Variants in UPF2 observed in about 807,000 individuals in gnomAD.
The protein encoded by UPF2 is regulator of nonsense transcripts 2.
In UPF2, 17 loss-of-function variants were observed where a neutral mutation model predicts 141.4. That is an observed-to-expected ratio of 0.12 (90% CI 0.08 to 0.18). The LOEUF is 0.18. Ranked by LOEUF, UPF2 falls within the 10% of genes least tolerant of loss-of-function variation. The probability of loss-of-function intolerance (pLI) is 1.00; values close to 1 mark genes in which losing one functional copy is unlikely to be tolerated. For synonymous variants in UPF2, 540 were observed against 498.0 expected, an observed-to-expected ratio of 1.08 and a Z score of -1.12; for missense variants, 1,152 against 1,515.9, an observed-to-expected ratio of 0.76 and a Z score of 3.99.
At chr10:11,946,409 AC>A (rs1833000667) in intron 16 of UPF2, among the ~76,000 whole-genome samples, 1 of 152,236 alleles carries the variant, frequency 6.6e-6, no homozygotes, top group Non-Finnish European at 1.5e-5. Context: ...AATGTCATAA[AC>A]AATTAACATT....
chr10:12,007,698 G>A (rs1418457594), intron 4 of UPF2, among the ~76,000 whole-genome samples: 1 of 151,778 alleles, frequency 6.6e-6, no homozygotes, highest in Non-Finnish European at 1.5e-5. Context: ...GGCCGTGGTG[G>A]CAGGCACCTG....
intron 19 of UPF2, among the ~76,000 whole-genome samples, chr10:11,934,595 T>G (rs1472310421): frequency 6.6e-6 from 1 of 152,246 alleles, no homozygotes; most frequent in East Asian, 1.9e-4. Flanking sequence ...TTTATTTATT[T>G]ATTTCTTTTT....
chr10:12,010,484 T>C (rs1834108477), intron 4 of UPF2, among the ~76,000 whole-genome samples: 1 of 152,004 alleles, frequency 6.6e-6, no homozygotes, highest in South Asian at 2.1e-4. Flanking sequence ...TTAGACACCG[T>C]AGAAGAAAAG....
At position 12,017,573 on chromosome 10, in the gene UPF2, A is replaced by C. The variant is rs75298240; in HGVS notation, c.1146-3389T>G. Among the ~76,000 whole-genome samples, 712 of 152,268 alleles carry C rather than the reference A, an allele frequency of 4.7e-3. 3 individuals carry two copies. Among genetic ancestry groups the C allele is most frequent in the African/African-American group, 0.016 (679 of 41,550 alleles). The stretch of plus-strand genomic sequence containing the variant: ...CAACTAAAACTTTAAAGCTTCACTG[A>C]TACTCCTTACCCTCCCCTTAATTCC... On this transcript the variant is annotated intron_variant, in intron 3 of 21. Transcript: ENST00000357604.
intron 1 of UPF2, among the ~76,000 whole-genome samples, chr10:12,039,604 T>A (rs1360950789): frequency 6.6e-6 from 1 of 151,694 alleles, no homozygotes; most frequent in African/African-American, 2.4e-5. Flanking sequence ...GAACTTACAA[T>A]TATGTCTCTC....
Position 11,936,406 on chromosome 10 carries a change from C to A in UPF2, c.3546+139G>T. On this transcript the variant is annotated intron_variant, in intron 19 of 21. Coordinates refer to ENST00000357604, the MANE Select transcript of UPF2 (RefSeq NM_015542.4). This position sits in a 1 kb window ranked among gnomAD's most constrained non-coding sequence, Gnocchi z 6.6. ...AAAACAAAAACAAAAACAAAAAAAA[C>A]TATATAAGGGAAGAAATTATTCTAC... The A allele has an allele frequency of 2.2e-6, 2 of 897,982 alleles. No homozygotes were observed. The highest frequency in any genetic ancestry group is 3.1e-5 in the East Asian group (1 of 32,222). 55.6% of individuals were successfully genotyped at this position (897,982 alleles called of 1,614,324 possible). A position where few individuals can be genotyped will look rare whatever the true frequency, so the allele number is the denominator to read the frequency against.
chr10:11,948,308 C>T (rs1833030365), intron 16 of UPF2, 61 bp downstream of exon 16: 5 of 1,411,388 alleles, frequency 3.5e-6, no homozygotes, highest in Non-Finnish European at 9.4e-7. Flanking sequence ...AATTTTGGCT[C>T]ATATAATCAA....
chr10:12,037,489 G>A (rs1374826520), intron 1 of UPF2, among the ~76,000 whole-genome samples: 7 of 148,572 alleles, frequency 4.7e-5, no homozygotes, highest in African/African-American at 1.8e-4. Flanking sequence ...TCCACCTTCC[G>A]GGTTTAAGTG....
intron 8 of UPF2, among the ~76,000 whole-genome samples, chr10:11,994,426 A>C (rs1365354006): frequency 6.6e-6 from 1 of 152,208 alleles, no homozygotes; most frequent in Non-Finnish European, 1.5e-5. Context: ...TACGCAAAAG[A>C]ATCTTTGGGA....
rs1338119956 is a variant in UPF2 at position 11,942,549 on chromosome 10, C to T, written c.3378+116G>A. The T allele has an allele frequency of 7.0e-6, 6 of 857,274 alleles. No homozygotes were observed. In the African/African-American group the frequency reaches 1.0e-4, roughly 15 times the overall value. The allele number at this position is 857,274 out of a possible 1,614,324, so 53.1% of individuals were successfully genotyped here. On this transcript the variant is annotated intron_variant, in intron 18 of 21. Coordinates refer to ENST00000357604, the MANE Select transcript of UPF2 (RefSeq NM_015542.4). ...TGCAAGCTGTCTACACATGATCTAG[C>T]AAAAGCTGCTGCAGAAGAGACACTT...
chr10:11,966,576 C>G (rs566262641), intron 10 of UPF2, among the ~76,000 whole-genome samples: 2 of 152,252 alleles, frequency 1.3e-5, no homozygotes, highest in African/African-American at 4.8e-5. Context: ...AGGTGCATAC[C>G]ACCATGCCTG....
rs570968099 is a variant in UPF2 at position 12,040,832 on chromosome 10, T to C, written c.-19+1923A>G. On this transcript the variant is annotated intron_variant, in intron 1 of 21. Transcript: ENST00000357604. ...TAAAATTCTAGCATAGTAACTAGCA[T>C]GAGGGAGGCATTAATAAATGTTCTG... is the stretch of plus-strand genomic sequence containing the variant. 1.7e-4 allele frequency among the ~76,000 whole-genome samples: 26 copies of C among 152,284 alleles called. No individual in the cohort carries two copies. The South Asian group carries it at 5.2e-3, about 30-fold the overall frequency.
At chr10:12,006,004 T>C (rs1834029373) in intron 4 of UPF2, among the ~76,000 whole-genome samples, 1 of 152,002 alleles carries the variant, frequency 6.6e-6, no homozygotes, top group African/African-American at 2.4e-5. Flanking sequence ...CTCAACCTCC[T>C]GAGTAGCTGG....
intron 4 of UPF2, among the ~76,000 whole-genome samples, chr10:12,007,110 T>C (rs1218779770): frequency 6.6e-6 from 1 of 152,160 alleles, no homozygotes; most frequent in Non-Finnish European, 1.5e-5. Context: ...AAGACAACTA[T>C]GTAATATTAA....
At position 11,931,180 on chromosome 10, in the gene UPF2, A is replaced by G. The variant is rs1031348226; in HGVS notation, c.3688+461T>C. ...TCCAGACAATGACAGACACCTATAC[A>G]ATGGTGGTCCCATCAGTTCATAACA... On this transcript the variant is annotated intron_variant, in intron 20 of 21. Coordinates refer to ENST00000357604, the MANE Select transcript of UPF2 (RefSeq NM_015542.4). This position sits in a 1 kb window ranked among gnomAD's most constrained non-coding sequence, Gnocchi z 5.9. 6.6e-6 allele frequency among the ~76,000 whole-genome samples: 1 copy of G among 152,154 alleles called. No homozygotes were observed.
At chr10:11,938,390 ATTAC>A (rs2131163494) in intron 18 of UPF2, among the ~76,000 whole-genome samples, 1 of 152,298 alleles carries the variant, frequency 6.6e-6, no homozygotes, top group East Asian at 1.9e-4. Context: ...TATAAAGAGA[ATTAC>A]TTACTAGGGG....
At chr10:12,023,859 G>A (rs1834361918) in intron 3 of UPF2, among the ~76,000 whole-genome samples, 1 of 151,732 alleles carries the variant, frequency 6.6e-6, no homozygotes, top group South Asian at 2.1e-4. Context: ...AAGTGTGGTG[G>A]CACGTGCCTA....
At chr10:11,943,333 T>C (rs1307184397) in intron 16 of UPF2, among the ~76,000 whole-genome samples, 165 bp from the exon 17 acceptor site, 1 of 152,200 alleles carries the variant, frequency 6.6e-6, no homozygotes, top group African/African-American at 2.4e-5. Context: ...GCTAGCAACG[T>C]TTAAGACAAA....
intron 8 of UPF2, among the ~76,000 whole-genome samples, chr10:11,995,318 A>C (rs141023429): frequency 2.3e-3 from 354 of 152,346 alleles, no homozygotes; most frequent in Non-Finnish European, 4.1e-3. Flanking sequence ...GAATGGTTAG[A>C]ATTAAGACTG....
Sources: allele counts gnomAD v4.1 joint callset (sites outside exome capture counted in the v4.1 genomes callset), GRCh38; gene constraint gnomAD v4.1.1; non-coding constraint Gnocchi (gnomAD v3.1); transcripts MANE v1.5; gene names NCBI Gene and HGNC (gene_info 2026-07-23, HGNC 2026-07-21).